The following RBM20 variants were observed in gnomAD, a reference collection of about 807,000 sequenced individuals.
RBM20 encodes RNA binding motif protein 20.
A neutral mutation model predicts 110.1 loss-of-function variants in RBM20; 51 were observed. The ratio of observed to expected loss-of-function variants is 0.46; its 90% confidence interval spans 0.37 to 0.59. The LOEUF is 0.59. Among genes scored for constraint, RBM20 ranks in the 20% least tolerant of loss-of-function variants. RBM20 has a pLI of 0.00. For missense variants in RBM20, 1,512 were observed against 1,574.9 expected (o/e 0.96, Z 0.68); for synonymous variants, 589 against 618.2 (o/e 0.95, Z 0.70).
In RBM20 at chr10:110,810,449, C is replaced by G; in HGVS notation, c.1867C>G (p.Arg623Gly). 6.4e-7 allele frequency: 1 copy of G among 1,551,340 alleles called. No homozygotes were observed. The highest frequency in any genetic ancestry group is 8.7e-7 in the Non-Finnish European group (1 of 1,146,768). Residue 623 changes from arginine to glycine, a missense_variant, in exon 8 of 14, where the codon CGG (arginine) becomes GGG (glycine). By Grantham distance (125) the Arg-to-Gly change is moderately radical (BLOSUM62 -2). Around this residue, in one of 3 missense-constraint regions of RBM20, gnomAD observed 1,149 missense variants for 1,169.4 expected, o/e 0.98. Transcript: ENST00000369519. Reference protein sequence around the residue: ...IHSQRERDMFREADRYGPERP... With the variant: ...IHSQRERDMFGEADRYGPERP... ...TTCCCAGAGGGAGAGGGACATGTTCCGGGAAGCAGACAGGTGAGGCCCCAA... is the reference window on the plus strand; with the variant it reads ...TTCCCAGAGGGAGAGGGACATGTTCGGGGAAGCAGACAGGTGAGGCCCCAA...
chr10:110,791,457 C>G (rs1844482418), intron 5 of RBM20, among the ~76,000 whole-genome samples: 1 of 152,206 alleles, frequency 6.6e-6, no homozygotes, highest in South Asian at 2.1e-4. Flanking sequence ...TACGGCAACT[C>G]TAAGTTATTT....
chr10:110,775,143 T>G (rs1393085198), intron 1 of RBM20, among the ~76,000 whole-genome samples: 1 of 152,242 alleles, frequency 6.6e-6, no homozygotes, highest in Admixed American at 6.5e-5. Flanking sequence ...TCTAAAGATC[T>G]GACCTTCAGC....
chr10:110,778,687 A>C (rs1406576116), intron 1 of RBM20, among the ~76,000 whole-genome samples: 1 of 152,224 alleles, frequency 6.6e-6, no homozygotes, highest in Non-Finnish European at 1.5e-5. Context: ...CAGTTCATCA[A>C]CATCCTGAAC....
intron 1 of RBM20, among the ~76,000 whole-genome samples, chr10:110,724,955 A>G (rs1438735470): frequency 6.6e-6 from 1 of 152,136 alleles, no homozygotes; most frequent in Non-Finnish European, 1.5e-5. Flanking sequence ...CCAGTCCTCA[A>G]GGAGTTTAAA....
intron 1 of RBM20, among the ~76,000 whole-genome samples, chr10:110,675,887 CAG>C (rs1484152580): frequency 6.6e-6 from 1 of 152,168 alleles, no homozygotes. Flanking sequence ...GAATGCCTAG[CAG>C]AGAGTAAGCA....
At chr10:110,766,325 G>T (rs369524205) in intron 1 of RBM20, among the ~76,000 whole-genome samples, 66 of 150,130 alleles carry the variant, frequency 4.4e-4, no homozygotes, top group Non-Finnish European at 7.6e-4. Flanking sequence ...TTTTTTTTTT[G>T]TTTTTTGTTT....
chr10:110,831,430 C>T (rs553235296), intron 13 of RBM20: 26 of 405,820 alleles, frequency 6.4e-5, no homozygotes, highest in African/African-American at 4.4e-4. Context: ...AGGCTGCTCT[C>T]GACATGGTGG....
At chr10:110,832,379 G>A (rs562715251) in intron 13 of RBM20, among the ~76,000 whole-genome samples, 14 of 152,242 alleles carry the variant, frequency 9.2e-5, no homozygotes, top group Admixed American at 4.6e-4. Flanking sequence ...TGATCTAGCC[G>A]TTCTTAACCA....
At chr10:110,813,004 A>T (rs1844795572) in intron 9 of RBM20, 57 bp downstream of exon 9, 1 of 1,165,848 alleles carries the variant, frequency 8.6e-7, no homozygotes, top group African/African-American at 1.5e-5. Flanking sequence ...GAGAATAATC[A>T]TAATAATATA....
intron 1 of RBM20, among the ~76,000 whole-genome samples, chr10:110,722,643 C>T (rs542569455): frequency 6.6e-6 from 1 of 152,144 alleles, no homozygotes; most frequent in Non-Finnish European, 1.5e-5. Context: ...CTCTTTTTTC[C>T]ACCACTCTCA....
At position 110,797,537 on chromosome 10, in the gene RBM20, G is replaced by A. The variant is rs1049924561; in HGVS notation, c.1557G>A (p.Val519=). The stretch of plus-strand genomic sequence containing the variant: ...CACAGCGGAAAGGGGCTGGCCGTGT[G>A]GTGCACATCTGCAATCTCCCTGAAG... ...TFAQRKGAGR[V]VHICNLPEGS... is the part of the protein sequence containing the mutation. Residue 519 remains valine, a synonymous_variant, in exon 6 of 14, where the codon GTG becomes GTA. Transcript: ENST00000369519. The A allele has an allele frequency of 4.5e-6, 7 of 1,551,382 alleles. No individual in the cohort carries two copies. In the Admixed American group the frequency reaches 1.4e-4, roughly 30 times the overall value.
At chr10:110,648,590 A>C (rs1318552536) in intron 1 of RBM20, among the ~76,000 whole-genome samples, 1 of 152,230 alleles carries the variant, frequency 6.6e-6, no homozygotes, top group Non-Finnish European at 1.5e-5. Context: ...TTTAGGGGAA[A>C]TAGGAATACA....
At chr10:110,728,285 G>A (rs1275806738) in intron 1 of RBM20, among the ~76,000 whole-genome samples, 1 of 152,148 alleles carries the variant, frequency 6.6e-6, no homozygotes, top group Non-Finnish European at 1.5e-5. Context: ...AGATTGAGTT[G>A]ATGCTGCATG....
chr10:110,657,421 C>G (rs1378902727), intron 1 of RBM20, among the ~76,000 whole-genome samples: 1 of 151,878 alleles, frequency 6.6e-6, no homozygotes, highest in Non-Finnish European at 1.5e-5. Flanking sequence ...AGCTTCTTTT[C>G]ATGTTGGCTT....
At position 110,667,980 on chromosome 10, in the gene RBM20, A is replaced by G. The variant is rs181801347; in HGVS notation, c.191+23335A>G. The stretch of plus-strand genomic sequence containing the variant: ...ATTTAACTGAGGCTACAGCACTTTT[A>G]TTAATAGAACATGCTGCATTTCCTT... On this transcript the variant is annotated intron_variant, in intron 1 of 13. Transcript: ENST00000369519. Among the ~76,000 whole-genome samples the G allele has an allele frequency of 5.9e-5, 9 of 152,314 alleles. No individual in the cohort carries two copies. In the East Asian group the frequency reaches 1.7e-3, roughly 29 times the overall value.
chr10:110,764,963 C>T (rs192584864), intron 1 of RBM20, among the ~76,000 whole-genome samples: 2 of 151,948 alleles, frequency 1.3e-5, no homozygotes, highest in Non-Finnish European at 1.5e-5. Flanking sequence ...CATGAGTATG[C>T]GATTTGTCTG....
intron 6 of RBM20, 79 bp from the exon 7 acceptor site, chr10:110,799,708 G>T (rs184524202): frequency 8.6e-6 from 12 of 1,392,472 alleles, no homozygotes; most frequent in Middle Eastern, 1.8e-4. Flanking sequence ...CTTCATAGAC[G>T]TGGAATCATG....
intron 1 of RBM20, among the ~76,000 whole-genome samples, chr10:110,654,756 A>G (rs1003282302): frequency 3.3e-5 from 5 of 152,196 alleles, no homozygotes; most frequent in African/African-American, 4.8e-5. Context: ...AGTAGTGAAA[A>G]GGAGCAGGAG....
intron 1 of RBM20, among the ~76,000 whole-genome samples, chr10:110,647,010 A>G (rs1861877969): frequency 6.6e-6 from 1 of 152,242 alleles, no homozygotes; most frequent in African/African-American, 2.4e-5. Flanking sequence ...GATTGCTTTC[A>G]AAATGATGGC....
Sources: allele counts gnomAD v4.1 joint callset (sites outside exome capture counted in the v4.1 genomes callset), GRCh38; gene constraint gnomAD v4.1.1; regional missense constraint gnomAD v4.1.1; transcripts MANE v1.5; gene names NCBI Gene and HGNC (gene_info 2026-07-23, HGNC 2026-07-21).